The following GLIS3 variants were observed in gnomAD, a reference collection of about 807,000 sequenced individuals.
GLIS3 encodes the protein GLIS family zinc finger 3.
In GLIS3, 53 loss-of-function variants were observed where a neutral mutation model predicts 78.6. That is an observed-to-expected ratio of 0.67 (90% CI 0.54 to 0.85). The LOEUF (loss-of-function observed/expected upper bound fraction) is 0.85, where lower values mean the gene tolerates loss of function less well. Among genes scored for constraint, GLIS3 ranks in the 40% least tolerant of loss-of-function variants. GLIS3 has a pLI of 0.00. For missense variants in GLIS3, 1,703 were observed against 1,231.1 expected (o/e 1.38, Z -5.74); for synonymous variants, 684 against 509.9 (o/e 1.34, Z -4.60).
chr9:4,036,110 A>C (rs1824274964), intron 4 of GLIS3: 1 of 152,180 alleles, frequency 6.6e-6, no homozygotes, highest in Non-Finnish European at 1.5e-5. Flanking sequence ...TTTCACAGGG[A>C]ATTACCATCT....
In GLIS3 at chr9:4,296,311, G is replaced by C. The variant is rs914849610; in HGVS notation, c.-99+3110C>G. On this transcript the variant is annotated intron_variant, in intron 1 of 10. Coordinates refer to ENST00000381971, the MANE Select transcript of GLIS3 (RefSeq NM_001042413.2). ...TCAGAGGAAAAAAAAAAAAAAAAAA[G>C]ACCGAGAACACTGAGCTCTCTTCTG... is the stretch of plus-strand genomic sequence containing the variant. Among the ~76,000 whole-genome samples, 291 of 139,110 alleles carry C rather than the reference G, an allele frequency of 2.1e-3. 1 individual carries two copies. The highest frequency in any genetic ancestry group is 7.1e-3 in the African/African-American group (273 of 38,238). 91.3% of individuals were successfully genotyped at this position (139,110 alleles called of 152,430 possible).
chr9:4,023,970 T>C (rs75794529), intron 4 of GLIS3, among the ~76,000 whole-genome samples: 1,528 of 151,684 alleles, frequency 0.01, 15 homozygotes, highest in Non-Finnish European at 0.013. Flanking sequence ...GTGAATCTAG[T>C]CATGAAGAGT....
At chr9:3,892,020 C>T (rs16919898) in intron 7 of GLIS3, among the ~76,000 whole-genome samples, 3,710 of 152,230 alleles carry the variant, frequency 0.024, 68 homozygotes, top group Non-Finnish European at 0.039. Flanking sequence ...ACTTTCTCTA[C>T]GTCCCCAAGG....
chr9:3,872,092 C>T (rs1165884706), intron 8 of GLIS3, among the ~76,000 whole-genome samples: 1 of 152,220 alleles, frequency 6.6e-6, no homozygotes, highest in Non-Finnish European at 1.5e-5. Context: ...AATGCCACCA[C>T]TACCTTTGCT....
the GLIS3 span, among the ~76,000 whole-genome samples, chr9:4,355,599 G>A: frequency 6.6e-6 from 1 of 152,134 alleles, no homozygotes; most frequent in African/African-American, 2.4e-5. Flanking sequence ...AGAGGGGAAG[G>A]AGGAGTCAAA....
At chr9:4,373,487 A>G in the GLIS3 span, among the ~76,000 whole-genome samples, 1 of 152,126 alleles carries the variant, frequency 6.6e-6, no homozygotes, top group Non-Finnish European at 1.5e-5. Context: ...CTCTGGGGGG[A>G]AAAACTGTTG....
At chr9:4,228,637 C>T (rs1182085355) in intron 2 of GLIS3, among the ~76,000 whole-genome samples, 1 of 152,162 alleles carries the variant, frequency 6.6e-6, no homozygotes. Flanking sequence ...TTCTTAATCC[C>T]CTATGTATGC....
At chr9:4,398,861 G>A in the GLIS3 span, among the ~76,000 whole-genome samples, 1 of 152,104 alleles carries the variant, frequency 6.6e-6, no homozygotes, top group Admixed American at 6.6e-5. Flanking sequence ...GCTAATTTTT[G>A]TATTTTTAGT....
chr9:3,928,552 T>C (rs1415553955), intron 6 of GLIS3, among the ~76,000 whole-genome samples: 1 of 152,114 alleles, frequency 6.6e-6, no homozygotes, highest in Non-Finnish European at 1.5e-5. Flanking sequence ...TGGTTTTGAG[T>C]ATATGTGGGG....
At chr9:4,487,087 C>T in the GLIS3 span, among the ~76,000 whole-genome samples, 5 of 152,118 alleles carry the variant, frequency 3.3e-5, no homozygotes, top group Non-Finnish European at 5.9e-5. Flanking sequence ...ATATTCTCCA[C>T]CTACTGGGTT....
chr9:3,938,299 T>C (rs145508213), intron 4 of GLIS3, among the ~76,000 whole-genome samples: 1 of 152,288 alleles, frequency 6.6e-6, no homozygotes, highest in East Asian at 1.9e-4. Context: ...TCACTTCTTA[T>C]AGAGGAATGC....
At chr9:4,436,271 A>T in the GLIS3 span, among the ~76,000 whole-genome samples, 1 of 152,374 alleles carries the variant, frequency 6.6e-6, no homozygotes, top group African/African-American at 2.4e-5. Flanking sequence ...AAATGGTGTT[A>T]TAGAAAAATA....
intron 4 of GLIS3, chr9:4,081,205 TG>T (rs1828529444): frequency 6.6e-6 from 1 of 152,280 alleles, no homozygotes; most frequent in African/African-American, 2.4e-5. Flanking sequence ...CAGACAGAGC[TG>T]GTACAAAAAT....
intron 2 of GLIS3, among the ~76,000 whole-genome samples, chr9:4,267,861 A>C (rs939140321): frequency 5.9e-5 from 9 of 152,166 alleles, no homozygotes; most frequent in Non-Finnish European, 1.2e-4. Context: ...CGTTTCTACT[A>C]GGTACATCAT....
chr9:3,845,551 C>T (rs1269703423), intron 9 of GLIS3, among the ~76,000 whole-genome samples: 1 of 152,090 alleles, frequency 6.6e-6, no homozygotes, highest in African/African-American at 2.4e-5. Context: ...GAAAATTTTT[C>T]TTTTATAATA....
chr9:4,240,025 A>AT (rs201760047), intron 2 of GLIS3, among the ~76,000 whole-genome samples: 20 of 151,076 alleles, frequency 1.3e-4, no homozygotes, highest in African/African-American at 3.9e-4. Context: ...ATTTAACTTG[A>AT]TTTTTTTTTC....
Position 3,828,310 on chromosome 9 carries a change from A to C in GLIS3, c.2755T>G (p.Cys919Gly). ...TFLQISTVDRCPSQLSSVYTE... is the reference protein window; with the variant it reads ...TFLQISTVDRGPSQLSSVYTE... Reference sequence around the variant, plus strand: ...TAGACAGAGGAGAGCTGGCTAGGACAGCGGTCCACGGTGCTGATCTGCAAG... The same window carrying C: ...TAGACAGAGGAGAGCTGGCTAGGACCGCGGTCCACGGTGCTGATCTGCAAG... Residue 919 changes from cysteine (C) to glycine (G), a missense_variant, in exon 11 of 11, where the codon TGT (cysteine) becomes GGT (glycine). Cys to Gly is a radical substitution (Grantham distance 159). Coordinates refer to ENST00000381971, the MANE Select transcript of GLIS3 (RefSeq NM_001042413.2). The C allele has an allele frequency of 1.2e-6, 2 of 1,613,542 alleles. No homozygotes were observed. The highest frequency in any genetic ancestry group is 1.3e-5 in the African/African-American group (1 of 75,054).
At chr9:4,175,500 T>C (rs1005954268) in intron 2 of GLIS3, among the ~76,000 whole-genome samples, 1 of 152,096 alleles carries the variant, frequency 6.6e-6, no homozygotes, top group Non-Finnish European at 1.5e-5. Context: ...TTAACTTTTA[T>C]ATATCCTTTG....
chr9:4,148,084 T>C (rs1391678651), intron 2 of GLIS3, among the ~76,000 whole-genome samples: 2 of 152,292 alleles, frequency 1.3e-5, no homozygotes, highest in Middle Eastern at 3.4e-3. Flanking sequence ...TTCTTTTGCA[T>C]AGGAAAGAGT....
Sources: gnomAD v4.1 joint callset for allele counts (sites outside exome capture counted in the v4.1 genomes callset) on GRCh38, gnomAD v4.1.1 for gene constraint, MANE v1.5 for transcripts, NCBI Gene and HGNC (gene_info 2026-07-23, HGNC 2026-07-21) for gene names.